IL19: variants seen among roughly 807,000 people sequenced by gnomAD.
The protein encoded by IL19 is interleukin 19.
Under a neutral mutation model 19.5 loss-of-function variants are expected in IL19, and 15 were observed. The observed-to-expected ratio is 0.77, with a 90% CI of 0.52 to 1.19. The LOEUF is 1.19. Among genes scored for constraint, IL19 ranks in the 50% most tolerant of loss-of-function variants. The pLI is 0.00. For synonymous variants in IL19, 78 were observed against 78.3 expected (o/e 1.00, Z 0.02); for missense variants, 199 against 213.1 (o/e 0.93, Z 0.41).
chr1:206,817,350 A>G (rs755541133), intron 2 of IL19, among the ~76,000 whole-genome samples: 1 of 152,212 alleles, frequency 6.6e-6, no homozygotes, highest in Non-Finnish European at 1.5e-5. Context: ...AAGCCAGCAC[A>G]GGGAGACAGA....
At chr1:206,771,492 AT>A in intron 1 of IL19, 2 of 1,222,368 alleles carry the variant, frequency 1.6e-6, no homozygotes, top group Non-Finnish European at 2.4e-6. Context: ...ATGCCCTTTC[AT>A]TTAGAGATTT....
At chr1:206,839,785 A>T in intron 4 of IL19, 65 bp from the exon 5 acceptor site, 1 of 1,427,900 alleles carries the variant, frequency 7.0e-7, no homozygotes, top group Non-Finnish European at 9.5e-7. Context: ...ACTCAAATGG[A>T]CTGCCCTGGT....
chr1:206,825,331 T>G (rs1008062383), intron 2 of IL19, among the ~76,000 whole-genome samples: 3 of 152,262 alleles, frequency 2.0e-5, no homozygotes, highest in Non-Finnish European at 4.4e-5. Context: ...ATTGTTACTG[T>G]GCTTCAAGGC....
chr1:206,781,930 CATATATAT>C (rs1558606344), intron 1 of IL19, among the ~76,000 whole-genome samples: 1 of 99,714 alleles, frequency 1.0e-5, no homozygotes, highest in Non-Finnish European at 2.0e-5. Flanking sequence ...GTTATATATA[CATATATAT>C]GTATATAGTT....
chr1:206,791,675 A>AGT (rs981400176), intron 1 of IL19, among the ~76,000 whole-genome samples: 1 of 152,154 alleles, frequency 6.6e-6, no homozygotes, highest in Non-Finnish European at 1.5e-5. Context: ...GCCCAGCCCC[A>AGT]GTGGCCTCTC....
At chr1:206,798,707 C>A (rs1230723097) in intron 1 of IL19, among the ~76,000 whole-genome samples, 154 bp from the exon 2 acceptor site, 2 of 151,726 alleles carry the variant, frequency 1.3e-5, no homozygotes, top group Non-Finnish European at 2.9e-5. Flanking sequence ...ACAATACAGG[C>A]CTTGACTGAG....
At chr1:206,822,855 T>G (rs1558618330) in intron 2 of IL19, among the ~76,000 whole-genome samples, 1 of 152,132 alleles carries the variant, frequency 6.6e-6, no homozygotes, top group Non-Finnish European at 1.5e-5. Context: ...GTGACCAGGG[T>G]GGGCTCAGGT....
chr1:206,803,393 A>G (rs1558612655), intron 2 of IL19, among the ~76,000 whole-genome samples: 1 of 152,164 alleles, frequency 6.6e-6, no homozygotes. Context: ...TGTGGACGGA[A>G]GAAGGTAGGT....
intron 2 of IL19, among the ~76,000 whole-genome samples, chr1:206,830,843 C>T (rs1449274700): frequency 6.6e-6 from 1 of 152,200 alleles, no homozygotes; most frequent in Non-Finnish European, 1.5e-5. Context: ...TCCCAAAGTG[C>T]TGGGATTACA....
At chr1:206,830,062 CT>C (rs1303147621) in intron 2 of IL19, among the ~76,000 whole-genome samples, 1 of 152,156 alleles carries the variant, frequency 6.6e-6, no homozygotes, top group Non-Finnish European at 1.5e-5. Context: ...GCTGAATGGG[CT>C]TGAGGTTCCT....
intron 1 of IL19, among the ~76,000 whole-genome samples, chr1:206,775,274 G>C (rs751033902): frequency 6.6e-6 from 1 of 151,836 alleles, no homozygotes; most frequent in Non-Finnish European, 1.5e-5. Flanking sequence ...GGATGGTCTC[G>C]ATCTCCTGAC....
In IL19 at chr1:206,792,972, G is replaced by A. The variant is rs372342687; in HGVS notation, c.-148-5889G>A. On this transcript the variant is annotated intron_variant, in intron 1 of 6. Coordinates refer to ENST00000659997, the MANE Select transcript of IL19 (RefSeq NM_153758.5). ...TGAAATGAAGTACTTCGTGGTGCCT[G>A]GCACAAAGGTACCACAATAAATATT... Among the ~76,000 whole-genome samples the A allele has an allele frequency of 1.4e-4, 22 of 152,320 alleles. No individual in the cohort carries two copies. The East Asian group carries it at 3.9e-3, about 27-fold the overall frequency.
At chr1:206,771,500 A>AT (rs796741475) in intron 1 of IL19, 3,521 of 949,636 alleles carry the variant, frequency 3.7e-3, no homozygotes, top group Non-Finnish European at 4.4e-3. Context: ...TCATTTAGAG[A>AT]TTTTTTTTTT....
At position 206,770,985 on chromosome 1, in the gene IL19, G is replaced by T. The variant is rs2102439232; in HGVS notation, c.-242G>T. On this transcript the variant is annotated 5_prime_UTR_variant, in exon 1 of 7. Coordinates refer to ENST00000659997, the MANE Select transcript of IL19 (RefSeq NM_153758.5). ...CATGCGCCTTGATGTCTGGGTCTTG[G>T]TTCTCAGCTTGGGGCATCACCTCCT... The T allele has an allele frequency of 6.2e-7, 1 of 1,614,142 alleles. No homozygotes were observed. The highest frequency in any genetic ancestry group is 8.5e-7 in the Non-Finnish European group (1 of 1,179,990).
chr1:206,798,145 A>AT (rs1370228379), intron 1 of IL19, among the ~76,000 whole-genome samples: 9 of 151,906 alleles, frequency 5.9e-5, no homozygotes, highest in Non-Finnish European at 1.3e-4. Context: ...TCCTCTTTTA[A>AT]TTTTTTTTGA....
chr1:206,833,884 C>T (rs1676694786), intron 2 of IL19: 1 of 985,522 alleles, frequency 1.0e-6, no homozygotes, highest in East Asian at 1.1e-4. Flanking sequence ...GCACCTGGCA[C>T]ATGGCAGACA....
chr1:206,798,769 G>A (rs913564555), intron 1 of IL19, 92 bp from the exon 2 acceptor site: 42 of 636,146 alleles, frequency 6.6e-5, no homozygotes, highest in Middle Eastern at 4.2e-4. Flanking sequence ...AGAGGTTGCC[G>A]TGTGTGCACT....
chr1:206,799,621 G>A (rs1166540512), intron 2 of IL19, among the ~76,000 whole-genome samples: 2 of 152,200 alleles, frequency 1.3e-5, no homozygotes, highest in African/African-American at 4.8e-5. Flanking sequence ...TTTAATTCAA[G>A]GGACCAGCCA....
At chr1:206,779,564 T>C (rs1249965446) in intron 1 of IL19, among the ~76,000 whole-genome samples, 1 of 152,214 alleles carries the variant, frequency 6.6e-6, no homozygotes. Flanking sequence ...GTTATTCTAA[T>C]ATCCATTCTC....
Sources: gnomAD v4.1 joint callset for allele counts (sites outside exome capture counted in the v4.1 genomes callset) on GRCh38, gnomAD v4.1.1 for gene constraint, MANE v1.5 for transcripts, NCBI Gene and HGNC (gene_info 2026-07-23, HGNC 2026-07-21) for gene names.